SORBS2: variants seen among roughly 807,000 people sequenced by gnomAD.
The protein encoded by SORBS2 is sorbin and SH3 domain containing 2.
A neutral mutation model predicts 97.7 loss-of-function variants in SORBS2; 46 were observed. The ratio of observed to expected loss-of-function variants is 0.47; its 90% CI spans 0.37 to 0.60. The LOEUF is 0.60. SORBS2 is among the 20% of genes least tolerant of loss of function. SORBS2 has a pLI of 0.00. For synonymous variants in SORBS2, 476 were observed against 473.4 expected (o/e 1.01, Z -0.07); for missense variants, 1,316 against 1,282.3 (o/e 1.03, Z -0.40).
chr4:185,669,504 G>A (rs1290984552), intron 4 of SORBS2, among the ~76,000 whole-genome samples: 1 of 152,188 alleles, frequency 6.6e-6, no homozygotes, highest in Non-Finnish European at 1.5e-5. Context: ...GTGGAAGCTG[G>A]AGGTGGAAGA....
intron 1 of SORBS2, among the ~76,000 whole-genome samples, chr4:185,949,898 G>A (rs1349535322): frequency 6.6e-6 from 1 of 152,116 alleles, no homozygotes; most frequent in Non-Finnish European, 1.5e-5. Flanking sequence ...ATAACTGGAT[G>A]CCAAGAAGAG....
At chr4:185,903,586 C>T (rs576190102) in intron 1 of SORBS2, among the ~76,000 whole-genome samples, 3 of 152,114 alleles carry the variant, frequency 2.0e-5, no homozygotes, top group South Asian at 2.1e-4. Context: ...CCCCTGCCAC[C>T]GCCAGATATG....
At position 185,603,409 on chromosome 4, in the gene SORBS2, C is replaced by G. The variant is rs184052298; in HGVS notation, c.2796+8371G>C. ...AGCTAAGAAAAAAAACCTCAAAGAG[C>G]AAAAGCAATTAAAGTGTTTCATTTT... On this transcript the variant is annotated intron_variant, in intron 12 of 14. Transcript: ENST00000418609. Among the ~76,000 whole-genome samples the G allele has an allele frequency of 3.9e-5, 6 of 152,278 alleles. No individual in the cohort carries two copies. In the East Asian group the frequency reaches 1.2e-3, roughly 29 times the overall value.
intron 2 of SORBS2, among the ~76,000 whole-genome samples, chr4:185,699,230 T>A (rs1340385806): frequency 6.6e-6 from 1 of 152,056 alleles, no homozygotes; most frequent in Non-Finnish European, 1.5e-5. Flanking sequence ...GATCTTATAG[T>A]CTTAAAATTT....
intron 4 of SORBS2, among the ~76,000 whole-genome samples, chr4:185,640,177 A>G (rs2097103288): frequency 6.6e-6 from 1 of 152,214 alleles, no homozygotes; most frequent in Non-Finnish European, 1.5e-5. Context: ...TAAGTTATCC[A>G]AAAGATGTAG....
intron 2 of SORBS2, among the ~76,000 whole-genome samples, chr4:185,695,064 G>A (rs1307741728): frequency 2.6e-5 from 4 of 151,870 alleles, no homozygotes; most frequent in Non-Finnish European, 4.4e-5. Context: ...ATCAGAGCAG[G>A]CTGTGTTCTC....
Position 185,867,566 on chromosome 4 carries a change from G to A in SORBS2, c.-338+88630C>T, listed in dbSNP as rs986340960. Among the ~76,000 whole-genome samples, 11 of 152,270 alleles carry A rather than the reference G, an allele frequency of 7.2e-5. No homozygotes were observed. The South Asian group carries it at 1.7e-3, about 23-fold the overall frequency. ...ATCTTAGTCCAAGAAGTCAGAGGGAGGAATGATCACATTTCTTGTTTAAGT... is the reference window on the plus strand; with the variant it reads ...ATCTTAGTCCAAGAAGTCAGAGGGAAGAATGATCACATTTCTTGTTTAAGT... On this transcript the variant is annotated intron_variant, in intron 1 of 20. Coordinates refer to the SORBS2 transcript ENST00000284776.
chr4:185,668,357 C>T (rs1054080075), intron 4 of SORBS2, among the ~76,000 whole-genome samples: 1 of 152,222 alleles, frequency 6.6e-6, no homozygotes, highest in Non-Finnish European at 1.5e-5. Context: ...CTTTCACCAC[C>T]TCCTGACATG....
intron 1 of SORBS2, among the ~76,000 whole-genome samples, chr4:185,901,689 T>C (rs1345761061): frequency 2.0e-5 from 3 of 152,238 alleles, no homozygotes; most frequent in Non-Finnish European, 4.4e-5. Flanking sequence ...GATAAATTTA[T>C]ATTTGCTAAA....
intron 9 of SORBS2, among the ~76,000 whole-genome samples, chr4:185,618,064 T>G (rs2096655577): frequency 6.6e-6 from 1 of 152,176 alleles, no homozygotes; most frequent in Non-Finnish European, 1.5e-5. Flanking sequence ...AGCGTCTACC[T>G]CCCGGTGAAG....
rs1260366094 is a variant in SORBS2 at position 185,768,716 on chromosome 4, A to AC, written c.-198+6510_-198+6511insG. On this transcript the variant is annotated intron_variant, in intron 2 of 20. Transcript: ENST00000284776. ...TCTGTCTCAAAAAAAAAAAAACAAA[A>AC]AAACAAAAAAAAATGCAAATTTGAT... Among the ~76,000 whole-genome samples the AC allele has an allele frequency of 4.9e-5, 7 of 144,070 alleles. 1 individual carries two copies. Among genetic ancestry groups the AC allele is most frequent in the African/African-American group, 1.9e-4 (7 of 37,804 alleles). 94.5% of individuals were successfully genotyped at this position (144,070 alleles called of 152,430 possible). A position where few individuals can be genotyped will look rare whatever the true frequency, so the allele number is the denominator to read the frequency against.
intron 1 of SORBS2, among the ~76,000 whole-genome samples, chr4:185,888,591 C>T (rs1222625301): frequency 6.6e-6 from 1 of 152,202 alleles, no homozygotes; most frequent in Non-Finnish European, 1.5e-5. Flanking sequence ...CCATATGAAA[C>T]AAATAGTGTT....
rs114679372 is a variant in SORBS2 at position 185,693,680 on chromosome 4, A to C, written c.-197-14858T>G. 3.2e-3 allele frequency among the ~76,000 whole-genome samples: 488 copies of C among 152,350 alleles called. 2 individuals are homozygous for C. Among genetic ancestry groups the C allele is most frequent in the Non-Finnish European group, 5.3e-3 (359 of 68,036 alleles). On this transcript the variant is annotated intron_variant, in intron 2 of 20. Coordinates refer to the SORBS2 transcript ENST00000284776. ...GAATGAGGAAGACAGTATTCGGGCTAGAATAATAGTGATTGACAAAGAAAA... is the reference window on the plus strand; with the variant it reads ...GAATGAGGAAGACAGTATTCGGGCTCGAATAATAGTGATTGACAAAGAAAA...
At chr4:185,638,805 G>T in intron 4 of SORBS2, 72 bp downstream of exon 14, 1 of 1,360,970 alleles carries the variant, frequency 7.3e-7, no homozygotes, top group Non-Finnish European at 9.6e-7. Flanking sequence ...GAGTCGCCAG[G>T]CTCTGAGCAA....
At chr4:185,762,909 T>TCGG (rs1489631877) in intron 2 of SORBS2, among the ~76,000 whole-genome samples, 5 of 152,054 alleles carry the variant, frequency 3.3e-5, no homozygotes, top group African/African-American at 1.2e-4. Context: ...CCAGGTGAGG[T>TCGG]CGGGCGTGGT....
At chr4:185,643,560 A>C (rs992395298) in intron 4 of SORBS2, among the ~76,000 whole-genome samples, 2 of 152,138 alleles carry the variant, frequency 1.3e-5, no homozygotes, top group Non-Finnish European at 2.9e-5. Context: ...AGGGAAATGA[A>C]TCAGGTGGCT....
At chr4:185,710,508 TC>T (rs1285356593) in intron 2 of SORBS2, among the ~76,000 whole-genome samples, 1 of 152,166 alleles carries the variant, frequency 6.6e-6, no homozygotes, top group African/African-American at 2.4e-5. Flanking sequence ...AGATCCACAC[TC>T]CCCCCCAAAT....
intron 1 of SORBS2, among the ~76,000 whole-genome samples, chr4:185,929,282 G>A (rs936206146): frequency 2.0e-5 from 3 of 152,130 alleles, no homozygotes; most frequent in Non-Finnish European, 4.4e-5. Context: ...AAGCGCTGAA[G>A]GAATTTGGAT....
chr4:185,864,638 C>T (rs750757669), intron 1 of SORBS2, among the ~76,000 whole-genome samples: 20 of 152,224 alleles, frequency 1.3e-4, no homozygotes, highest in Non-Finnish European at 2.4e-4. Flanking sequence ...CGGCCGGGTG[C>T]GGTGGCTCAC....
Sources: gnomAD v4.1 joint callset for allele counts (sites outside exome capture counted in the v4.1 genomes callset) on GRCh38, gnomAD v4.1.1 for gene constraint, MANE v1.5 for transcripts, NCBI Gene and HGNC (gene_info 2026-07-23, HGNC 2026-07-21) for gene names.